Variants in HS6ST2 observed in about 807,000 individuals in gnomAD.
HS6ST2 encodes the protein heparan sulfate 6-O-sulfotransferase 2.
A neutral mutation model predicts 33.0 loss-of-function variants in HS6ST2; 17 were observed. The observed-to-expected ratio is 0.52, with a 90% CI of 0.35 to 0.77. The LOEUF is 0.77. Among genes scored for constraint, HS6ST2 ranks in the 30% least tolerant of loss-of-function variants. The pLI is 0.01. For synonymous variants in HS6ST2, 248 were observed against 237.1 expected (o/e 1.05, Z -0.42); for missense variants, 519 against 551.7 (o/e 0.94, Z 0.59).
At chrX:132,640,856 G>A (rs2063597260) in intron 4 of HS6ST2, among the ~76,000 whole-genome samples, 1 of 111,748 alleles carries the variant, frequency 8.9e-6, no homozygotes, top group Admixed American at 9.5e-5. Context: ...AATTACATAG[G>A]TGACTTGCAT....
At chrX:132,746,106 C>T (rs1339868925) in intron 2 of HS6ST2, among the ~76,000 whole-genome samples, 2 of 111,543 alleles carry the variant, frequency 1.8e-5, no homozygotes, top group East Asian at 2.8e-4. Context: ...CTACGGTACA[C>T]GGCTTTTAGG....
At chrX:132,876,651 T>A (rs2066110860) in intron 2 of HS6ST2, among the ~76,000 whole-genome samples, 1 of 109,824 alleles carries the variant, frequency 9.1e-6, no homozygotes, top group South Asian at 4.0e-4. Context: ...ACCCACTCCT[T>A]TATGGTGGGA....
chrX:132,679,778 C>T (rs1157850267), intron 3 of HS6ST2, among the ~76,000 whole-genome samples: 3 of 108,326 alleles, frequency 2.8e-5, no homozygotes, highest in African/African-American at 1.0e-4. Context: ...CAGAGACCCA[C>T]CCCCAGGCGC....
intron 2 of HS6ST2, among the ~76,000 whole-genome samples, chrX:132,809,756 A>G (rs1319809035): frequency 4.5e-5 from 5 of 112,104 alleles, no homozygotes; most frequent in Non-Finnish European, 9.4e-5. Context: ...CATTACCATG[A>G]GCTTCCCCAG....
chrX:132,657,971 A>G (rs1202590325), intron 4 of HS6ST2, among the ~76,000 whole-genome samples: 1 of 109,197 alleles, frequency 9.2e-6, no homozygotes, highest in Non-Finnish European at 1.9e-5. Flanking sequence ...ATCTCATTAA[A>G]GCCCGTGGAG....
At chrX:132,674,738 T>C (rs977396827) in intron 3 of HS6ST2, among the ~76,000 whole-genome samples, 2 of 112,266 alleles carry the variant, frequency 1.8e-5, no homozygotes, top group Non-Finnish European at 1.9e-5. Context: ...GGACCGTAGT[T>C]ACAAACTATC....
chrX:132,953,706 C>T (rs1481975158), intron 2 of HS6ST2, among the ~76,000 whole-genome samples: 5 of 112,367 alleles, frequency 4.4e-5, no homozygotes, highest in Non-Finnish European at 5.6e-5. Context: ...GCCACAAAAC[C>T]TATCCCCAGT....
chrX:132,667,357 T>C (rs895176663), intron 4 of HS6ST2, among the ~76,000 whole-genome samples: 1 of 111,909 alleles, frequency 8.9e-6, no homozygotes, highest in African/African-American at 3.2e-5. Context: ...AAGTTACCTA[T>C]CTCAAAATGT....
At chrX:132,793,003 C>T (rs771883454) in intron 2 of HS6ST2, among the ~76,000 whole-genome samples, 32 of 105,668 alleles carry the variant, frequency 3.0e-4, no homozygotes, top group Middle Eastern at 4.9e-3. Flanking sequence ...AGAAGAAACC[C>T]TGGGAATGTT....
chrX:132,814,590 T>A (rs940311789), intron 2 of HS6ST2, among the ~76,000 whole-genome samples: 2 of 111,595 alleles, frequency 1.8e-5, no homozygotes, highest in African/African-American at 6.5e-5. Flanking sequence ...CTCGGCTCAC[T>A]TCTCTGCCTC....
intron 2 of HS6ST2, among the ~76,000 whole-genome samples, chrX:132,923,051 G>A (rs1001642829): frequency 5.6e-5 from 5 of 89,717 alleles, no homozygotes; most frequent in Admixed American, 2.4e-4. Context: ...TGACGGAGCT[G>A]GACTCTGTCT....
intron 2 of HS6ST2, among the ~76,000 whole-genome samples, chrX:132,773,248 T>C (rs1264754510): frequency 9.7e-6 from 1 of 102,904 alleles, no homozygotes; most frequent in Non-Finnish European, 2.0e-5. Flanking sequence ...TATATACATA[T>C]AATATATTTA....
At chrX:132,938,465 A>T (rs1299574752) in intron 2 of HS6ST2, among the ~76,000 whole-genome samples, 1 of 109,631 alleles carries the variant, frequency 9.1e-6, no homozygotes, top group Non-Finnish European at 1.9e-5. Flanking sequence ...ACATAGCAAG[A>T]CCCCATCTCT....
chrX:132,703,676 A>G (rs1254858793), intron 3 of HS6ST2, among the ~76,000 whole-genome samples: 3 of 112,074 alleles, frequency 2.7e-5, no homozygotes, highest in Non-Finnish European at 5.6e-5. Context: ...AATCATTCTT[A>G]CCCTGGCCTG....
chrX:132,930,761 A>G (rs1229730102), intron 2 of HS6ST2, among the ~76,000 whole-genome samples: 1 of 111,474 alleles, frequency 9.0e-6, no homozygotes, highest in Non-Finnish European at 1.9e-5. Flanking sequence ...GAAAAGTCCA[A>G]TAATACTAAA....
At chrX:132,794,555 G>GGAT (rs111313658) in intron 2 of HS6ST2, among the ~76,000 whole-genome samples, 12,727 of 92,163 alleles carry the variant, frequency 0.14, 794 homozygotes, top group Middle Eastern at 0.2. Context: ...CACCACTCCT[G>GGAT]GATGATGATG....
intron 2 of HS6ST2, among the ~76,000 whole-genome samples, chrX:132,881,604 G>T (rs1187250581): frequency 1.8e-5 from 2 of 111,449 alleles, no homozygotes; most frequent in Non-Finnish European, 3.8e-5. Flanking sequence ...AGTTTCTTTT[G>T]CTGTGCAGAA....
At chrX:132,705,971 CTGA>C (rs916191436) in intron 3 of HS6ST2, among the ~76,000 whole-genome samples, 2 of 111,436 alleles carry the variant, frequency 1.8e-5, no homozygotes, top group African/African-American at 6.5e-5. Flanking sequence ...TTTTAAAATT[CTGA>C]TTCAGTTGTT....
intron 3 of HS6ST2, among the ~76,000 whole-genome samples, chrX:132,695,360 T>A (rs186368123): frequency 1.8e-5 from 2 of 112,120 alleles, no homozygotes; most frequent in Non-Finnish European, 3.8e-5. Context: ...ACAATTTTGA[T>A]GGAGTTGCTT....
Sources: gnomAD v4.1 joint callset for allele counts (sites outside exome capture counted in the v4.1 genomes callset) on GRCh38, gnomAD v4.1.1 for gene constraint, MANE v1.5 for transcripts, NCBI Gene and HGNC (gene_info 2026-07-23, HGNC 2026-07-21) for gene names.